The following DBF4B variants were observed in gnomAD, a reference collection of about 807,000 sequenced individuals.
DBF4B encodes DBF4B-CDC7 kinase regulatory subunit.
DBF4B carries 49 observed loss-of-function variants against 53.4 expected under a neutral mutation model. The observed-to-expected ratio is 0.92, with a 90% confidence interval of 0.73 to 1.16. DBF4B has a LOEUF of 1.16. Ranked by LOEUF, DBF4B falls within the 50% of genes most tolerant of loss-of-function variation. The probability of loss-of-function intolerance (pLI) is 0.00; values close to 1 mark genes in which losing one functional copy is unlikely to be tolerated. For missense variants in DBF4B, 692 were observed against 775.0 expected (o/e 0.89, Z 1.27); for synonymous variants, 257 against 288.7 (o/e 0.89, Z 1.11).
Position 44,751,047 on chromosome 17 carries a change from C to T in DBF4B, c.1642C>T (p.Leu548Phe), listed in dbSNP as rs142024875. Residue 548 changes from leucine (L) to phenylalanine (F), a missense_variant, in exon 14 of 14, where the codon CTC (leucine) becomes TTC (phenylalanine). Around this residue, in one of 3 missense-constraint regions of DBF4B, gnomAD observed 597 missense variants for 665.8 expected, o/e 0.90. Transcript: ENST00000315005. ...CAGACTTGGATACCTTTACCTGCTG[C>T]TCACACAAAGCCTGTGGTGCCGGGT... ...CLRLGYLYLL[L>F]TQSLWCRVRV... is the part of the protein sequence containing the mutation. 4.4e-5 allele frequency: 71 copies of T among 1,614,186 alleles called. No individual in the cohort carries two copies. The African/African-American group carries it at 8.1e-4, about 18-fold the overall frequency.
intron 10 of DBF4B, among the ~76,000 whole-genome samples, chr17:44,742,724 G>T (rs1976195560): frequency 6.6e-6 from 1 of 152,158 alleles, no homozygotes; most frequent in Non-Finnish European, 1.5e-5. Flanking sequence ...ATAACTAAGG[G>T]GCGGGGCGGG....
At chr17:44,731,673 CAGG>C (rs1974850160) in intron 5 of DBF4B, 3 of 157,388 alleles carry the variant, frequency 1.9e-5, no homozygotes, top group South Asian at 1.9e-4. Context: ...AGTTTAGTGG[CAGG>C]AGGAGGAGTT....
chr17:44,739,775 A>T (rs1018633693), intron 9 of DBF4B, among the ~76,000 whole-genome samples: 6 of 147,392 alleles, frequency 4.1e-5, no homozygotes, highest in South Asian at 2.1e-4. Context: ...TTCTTGTGAA[A>T]TTTTTTTTTT....
chr17:44,736,374 G>A (rs1276919205), intron 7 of DBF4B, among the ~76,000 whole-genome samples: 3 of 152,150 alleles, frequency 2.0e-5, no homozygotes, highest in East Asian at 3.8e-4. Context: ...TAGGACATAG[G>A]AAAGCAAATG....
At chr17:44,723,258 C>A (rs1274608041) in intron 3 of DBF4B, among the ~76,000 whole-genome samples, 1 of 152,126 alleles carries the variant, frequency 6.6e-6, no homozygotes, top group South Asian at 2.1e-4. Flanking sequence ...AGGCACACAC[C>A]ACCACGTCTG....
intron 2 of DBF4B, among the ~76,000 whole-genome samples, chr17:44,715,953 G>A (rs1268476777): frequency 1.3e-5 from 2 of 149,996 alleles, no homozygotes; most frequent in African/African-American, 4.9e-5. Context: ...TTCCCAAGTA[G>A]CTAGGACCAC....
rs777329216 is a variant in DBF4B, at chr17:44,722,845, A to G, written c.83-35A>G. On this transcript the variant is annotated intron_variant, in intron 2 of 13. Coordinates refer to ENST00000315005, the MANE Select transcript of DBF4B (RefSeq NM_145663.3). ...ACCTGGCTTCAGGACTCTCTTTTCA[A>G]ACTTCTTACTTTGCTCCTCTTTATT... The G allele has an allele frequency of 4.8e-5, 78 of 1,610,630 alleles. 1 individual carries two copies. The South Asian group carries it at 6.9e-4, about 14-fold the overall frequency.
rs1194786779 is a variant in DBF4B at position 44,752,199 on chromosome 17, TTAAG to T, written c.*951_*954del. On this transcript the variant is annotated 3_prime_UTR_variant, in exon 14 of 14. Transcript: ENST00000315005. ...TACTCGGGCCTCAGTTTCCTCGTCT[TTAAG>T]TAAGGGGCTTGGATGAGATGATTTC... 2 of 564,016 alleles carry T rather than the reference TTAAG, an allele frequency of 3.5e-6. No individual in the cohort carries two copies. The highest frequency in any genetic ancestry group is 6.4e-6 in the Non-Finnish European group (2 of 314,214). The allele number at this position is 564,016 out of a possible 1,614,324, so 34.9% of individuals were successfully genotyped here.
Position 44,749,525 on chromosome 17 carries a change from G to A in DBF4B, c.1189+1060G>A, listed in dbSNP as rs1182544643. On this transcript the variant is annotated intron_variant, in intron 13 of 13. Transcript: ENST00000315005. This position sits in a 1 kb window ranked among gnomAD's most constrained non-coding sequence, Gnocchi z 4.4. ...AAGCAGCTGTCACGCTCAGCTCCAT[G>A]GAGCTGACAGAGCCACCCCTCCCAC... The A allele has an allele frequency of 1.6e-6, 2 of 1,243,192 alleles. No homozygotes were observed. The highest frequency in any genetic ancestry group is 2.7e-5 in the Admixed American group (1 of 37,482). 77.0% of individuals were successfully genotyped at this position (1,243,192 alleles called of 1,614,324 possible).
At position 44,742,228 on chromosome 17, in the gene DBF4B, C is replaced by T. The variant is rs141823924; in HGVS notation, c.830+776C>T. ...ACAAGCCTGGCCAATATGGTGAAAC[C>T]CCTTCTCTACTAAAAATGCAACAAA... is the stretch of plus-strand genomic sequence containing the variant. On this transcript the variant is annotated intron_variant, in intron 10 of 13. Transcript: ENST00000315005. Among the ~76,000 whole-genome samples, 22 of 151,680 alleles carry T rather than the reference C, an allele frequency of 1.5e-4. No homozygotes were observed. In the East Asian group the frequency reaches 4.3e-3, roughly 29 times the overall value.
At chr17:44,722,823 T>C in intron 2 of DBF4B, 57 bp from the exon 3 acceptor site, 1 of 1,598,360 alleles carries the variant, frequency 6.3e-7, no homozygotes, top group East Asian at 2.2e-5. Context: ...GAGGGCCACC[T>C]GGCTTCAGGA....
At chr17:44,709,547 C>T (rs1259494885) in intron 2 of DBF4B, among the ~76,000 whole-genome samples, 181 bp downstream of exon 2, 1 of 152,132 alleles carries the variant, frequency 6.6e-6, no homozygotes, top group East Asian at 1.9e-4. Context: ...TCTCAAACTC[C>T]TGGCCTCAAG....
rs990223837 is a variant in DBF4B at position 44,747,287 on chromosome 17, A to G, written c.939+96A>G. Reference sequence around the variant, plus strand: ...CTTCCTATGCGATCTCTATGCTGCTATGGCTGTCCTCCAGGGCCAGAGCAT... The same window carrying G: ...CTTCCTATGCGATCTCTATGCTGCTGTGGCTGTCCTCCAGGGCCAGAGCAT... On this transcript the variant is annotated intron_variant, in intron 11 of 13. Coordinates refer to ENST00000315005, the MANE Select transcript of DBF4B (RefSeq NM_145663.3). 6 of 1,592,956 alleles carry G rather than the reference A, an allele frequency of 3.8e-6. No individual in the cohort carries two copies. In the East Asian group the frequency reaches 9.0e-5, roughly 24 times the overall value.
intron 3 of DBF4B, among the ~76,000 whole-genome samples, chr17:44,727,424 G>C (rs1310253989): frequency 1.4e-5 from 2 of 145,022 alleles, no homozygotes; most frequent in African/African-American, 5.0e-5. Flanking sequence ...GTCTCAAAAA[G>C]AAAAAAAAAA....
intron 6 of DBF4B, chr17:44,732,510 T>C: frequency 2.0e-6 from 1 of 494,036 alleles, no homozygotes; most frequent in African/African-American, 1.9e-5. Flanking sequence ...TCATGTCACC[T>C]GCTACAGCTC....
chr17:44,708,908 T>A, intron 1 of DBF4B, 69 bp downstream of exon 1: 1 of 1,531,928 alleles, frequency 6.5e-7, no homozygotes, highest in East Asian at 2.5e-5. Flanking sequence ...AGGTGCGGAG[T>A]CGTGGAGGGG....
chr17:44,720,445 G>T, intron 2 of DBF4B: 1 of 233,680 alleles, frequency 4.3e-6, no homozygotes, highest in South Asian at 7.1e-5. Context: ...CAATTCCTCT[G>T]ACAAGGACAG....
At chr17:44,744,976 T>C (rs1976459132) in intron 10 of DBF4B, among the ~76,000 whole-genome samples, 1 of 152,114 alleles carries the variant, frequency 6.6e-6, no homozygotes, top group South Asian at 2.1e-4. Context: ...CTCTTTGTTA[T>C]TAGTTGTAAA....
At chr17:44,717,890 A>T (rs142830541) in intron 2 of DBF4B, among the ~76,000 whole-genome samples, 20 of 151,640 alleles carry the variant, frequency 1.3e-4, no homozygotes, top group African/African-American at 4.6e-4. Flanking sequence ...GTGGTGCGTG[A>T]CATGGTGGTG....
Sources: gnomAD v4.1 joint callset for allele counts (sites outside exome capture counted in the v4.1 genomes callset) on GRCh38, gnomAD v4.1.1 for gene constraint, gnomAD v4.1.1 regional missense constraint, Gnocchi (gnomAD v3.1) non-coding constraint, MANE v1.5 for transcripts, NCBI Gene and HGNC (gene_info 2026-07-23, HGNC 2026-07-21) for gene names.